The following STX5 variants were observed in gnomAD, a reference collection of about 807,000 sequenced individuals.
The protein encoded by STX5 is syntaxin 5.
STX5 carries 15 observed loss-of-function variants against 42.9 expected under a neutral mutation model. The observed-to-expected ratio is 0.35, with a 90% CI of 0.23 to 0.54. The LOEUF is 0.54. Ranked by LOEUF, STX5 falls within the 20% of genes least tolerant of loss-of-function variation. STX5 has a pLI of 0.91. For missense variants in STX5, 430 were observed against 455.0 expected (o/e 0.95, Z 0.50); for synonymous variants, 184 against 173.2 (o/e 1.06, Z -0.49).
At chr11:62,808,433 GAAAAA>G (rs57347651) in intron 10 of STX5, among the ~76,000 whole-genome samples, 5 of 121,442 alleles carry the variant, frequency 4.1e-5, no homozygotes, top group African/African-American at 1.5e-4. Flanking sequence ...GCCTCAGGGG[GAAAAA>G]AAAAAAAAAA....
intron 10 of STX5, among the ~76,000 whole-genome samples, chr11:62,817,946 C>A (rs1565210256): frequency 6.6e-6 from 1 of 151,978 alleles, no homozygotes. Flanking sequence ...TAGCCAAATA[C>A]TTCCTAAATT....
chr11:62,824,896 G>A (rs1018441541), intron 8 of STX5, 140 bp downstream of exon 8: 2 of 767,066 alleles, frequency 2.6e-6, no homozygotes, highest in African/African-American at 3.5e-5. Flanking sequence ...TCAACCATCT[G>A]GTTTGGCCTC....
intron 10 of STX5, among the ~76,000 whole-genome samples, chr11:62,812,674 G>A (rs902931286): frequency 2.6e-5 from 4 of 151,456 alleles, no homozygotes; most frequent in Admixed American, 6.6e-5. Context: ...CGCCTGTCTC[G>A]CCTCCCAAAG....
At chr11:62,807,753 A>G (rs2084569200) in intron 10 of STX5, 125 bp from the exon 11 acceptor site, 1 of 1,473,142 alleles carries the variant, frequency 6.8e-7, no homozygotes, top group Non-Finnish European at 9.0e-7. Flanking sequence ...ATATTTGTGT[A>G]TAGAAAAGGC....
chr11:62,813,430 A>T (rs564292298), intron 10 of STX5, among the ~76,000 whole-genome samples: 13 of 152,314 alleles, frequency 8.5e-5, no homozygotes, highest in African/African-American at 3.1e-4. Context: ...TGCTCATCAG[A>T]ACCCCCTATG....
At chr11:62,810,099 A>G (rs10897295) in intron 10 of STX5, among the ~76,000 whole-genome samples, 18,934 of 117,068 alleles carry the variant, frequency 0.16, 2,326 homozygotes, top group African/African-American at 0.35. Flanking sequence ...GCAAGACTCC[A>G]TCTCAAAAAA....
At position 62,827,231 on chromosome 11, in the gene STX5, G is replaced by A. The variant is rs1264758294; in HGVS notation, c.353-6C>T. On this transcript the variant is annotated splice_polypyrimidine_tract_variant and splice_region_variant and intron_variant, in intron 4 of 10. Coordinates refer to ENST00000294179, the MANE Select transcript of STX5 (RefSeq NM_003164.5). The stretch of plus-strand genomic sequence containing the variant: ...GAGGGACTTGCGCTTTGCCACTACA[G>A]AGACAAACAAGAAGCCACAATGGGT... 1.2e-6 allele frequency: 2 copies of A among 1,614,140 alleles called. No homozygotes were observed. Among genetic ancestry groups the A allele is most frequent in the Admixed American group, 1.7e-5 (1 of 60,012 alleles).
intron 10 of STX5, among the ~76,000 whole-genome samples, chr11:62,819,568 A>G (rs932550543): frequency 1.3e-5 from 2 of 151,724 alleles, no homozygotes; most frequent in African/African-American, 4.8e-5. Context: ...CCCAGGCTGG[A>G]GTGCAGTGGC....
chr11:62,813,003 T>C (rs967105787), intron 10 of STX5, among the ~76,000 whole-genome samples: 3 of 150,950 alleles, frequency 2.0e-5, no homozygotes, highest in African/African-American at 7.3e-5. Flanking sequence ...TCCCAGCTAC[T>C]TGGGAGGCTG....
At chr11:62,828,064 T>C (rs1245306355) in intron 2 of STX5, among the ~76,000 whole-genome samples, 1 of 151,034 alleles carries the variant, frequency 6.6e-6, no homozygotes, top group Non-Finnish European at 1.5e-5. Context: ...TGCAAAGCTC[T>C]TGGAGATCAT....
At chr11:62,818,903 T>C (rs183531370) in intron 10 of STX5, among the ~76,000 whole-genome samples, 35 of 151,570 alleles carry the variant, frequency 2.3e-4, no homozygotes, top group Non-Finnish European at 1.9e-4. Flanking sequence ...CAGAATTCTA[T>C]ATCCAGAGAA....
Position 62,827,394 on chromosome 11 carries a change from T to C in STX5, c.301A>G (p.Ile101Val), listed in dbSNP as rs756635964. The C allele has an allele frequency of 3.7e-6, 6 of 1,614,080 alleles. No individual in the cohort carries two copies. The African/African-American group carries it at 5.3e-5, about 14-fold the overall frequency. The change falls in exon 4 of 11, where the codon ATT becomes GTT. Residue 101 changes from isoleucine to valine, a missense_variant. By Grantham distance (29) the Ile-to-Val change is conservative. Transcript: ENST00000294179. The stretch of plus-strand genomic sequence containing the variant: ...AATGTGTTGCTAAGGTCTTTCCCAA[T>C]GCGCCTGCAAATGACCACTAGTCAG... Reference protein sequence around the residue: ...RSEFTLMAKRIGKDLSNTFAK... With the variant: ...RSEFTLMAKRVGKDLSNTFAK...
chr11:62,809,076 CAGG>C (rs2134801656), intron 10 of STX5, among the ~76,000 whole-genome samples: 1 of 151,770 alleles, frequency 6.6e-6, no homozygotes, highest in South Asian at 2.1e-4. Flanking sequence ...ATCACGAAGT[CAGG>C]AGATTGAGAC....
intron 10 of STX5, among the ~76,000 whole-genome samples, chr11:62,822,134 G>A (rs2084746816): frequency 6.6e-6 from 1 of 152,192 alleles, no homozygotes; most frequent in South Asian, 2.1e-4. Flanking sequence ...AGGCCAAGGT[G>A]GACAGGTTAC....
chr11:62,825,258 C>T (rs534942338), intron 7 of STX5, 25 bp downstream of exon 7: 5 of 1,613,938 alleles, frequency 3.1e-6, no homozygotes, highest in South Asian at 1.1e-5. Flanking sequence ...CATATTCCTA[C>T]CCCTCCTACG....
intron 3 of STX5, 33 bp from the exon 4 acceptor site, chr11:62,827,431 G>T: frequency 6.2e-7 from 1 of 1,613,800 alleles, no homozygotes; most frequent in South Asian, 1.1e-5. Context: ...CTGTGGGAAA[G>T]GGCAGGACGC....
At position 62,827,546 on chromosome 11, in the gene STX5, C is replaced by T; in HGVS notation, c.296+15G>A. ...GACACTGTATCACCCCACCAGAAAGCTTCTCTCAACTCACTTGGCCATGAG... is the reference window on the plus strand; with the variant it reads ...GACACTGTATCACCCCACCAGAAAGTTTCTCTCAACTCACTTGGCCATGAG... On this transcript the variant is annotated intron_variant, in intron 3 of 10. Coordinates refer to ENST00000294179, the MANE Select transcript of STX5 (RefSeq NM_003164.5). The T allele has an allele frequency of 1.9e-6, 3 of 1,601,340 alleles. No homozygotes were observed. Among genetic ancestry groups the T allele is most frequent in the South Asian group, 1.1e-5 (1 of 90,774 alleles).
In STX5 at chr11:62,807,208, G is replaced by T; in HGVS notation, c.*261C>A. The T allele has an allele frequency of 3.0e-6, 1 of 335,858 alleles. No individual in the cohort carries two copies. The highest frequency in any genetic ancestry group is 7.5e-5 in the South Asian group (1 of 13,302). 20.8% of individuals were successfully genotyped at this position (335,858 alleles called of 1,614,324 possible). A position where few individuals can be genotyped will look rare whatever the true frequency, so the allele number is the denominator to read the frequency against. ...CAACCTCCCCCACTGGCCCCCAGCT[G>T]GCCTCTGCTCCCTTCCAGTCACTTC... On this transcript the variant is annotated 3_prime_UTR_variant, in exon 11 of 11. Transcript: ENST00000294179.
chr11:62,811,262 C>T, intron 10 of STX5, among the ~76,000 whole-genome samples: 1 of 152,210 alleles, frequency 6.6e-6, no homozygotes, highest in Non-Finnish European at 1.5e-5. Context: ...CTCTTCCAAA[C>T]ATCAGAACAT....
Sources: allele counts gnomAD v4.1 joint callset (sites outside exome capture counted in the v4.1 genomes callset), GRCh38; gene constraint gnomAD v4.1.1; transcripts MANE v1.5; gene names NCBI Gene and HGNC (gene_info 2026-07-23, HGNC 2026-07-21).